MBD5: variants seen among roughly 807,000 people sequenced by gnomAD.
MBD5 encodes the protein methyl-CpG binding domain protein 5, also known as methyl-CpG-binding domain protein 5.
Under a neutral mutation model 117.3 loss-of-function variants are expected in MBD5, and 13 were observed. The observed-to-expected ratio is 0.11, with a 90% confidence interval of 0.07 to 0.18. MBD5 has a LOEUF of 0.18. MBD5 is among the 10% of genes least tolerant of loss of function. The pLI, the probability that MBD5 is intolerant of heterozygous loss-of-function variation, is 1.00. For synonymous variants in MBD5, 727 were observed against 766.4 expected (o/e 0.95, Z 0.85); for missense variants, 1,879 against 2,093.8 (o/e 0.90, Z 2.00).
At chr2:148,136,465 T>C (rs375178770) in intron 1 of MBD5, among the ~76,000 whole-genome samples, 4 of 152,180 alleles carry the variant, frequency 2.6e-5, no homozygotes, top group Non-Finnish European at 5.9e-5. Flanking sequence ...TTAAGCAGAT[T>C]GTGTTGTGAC....
intron 4 of MBD5, among the ~76,000 whole-genome samples, chr2:148,442,979 A>C (rs150355569): frequency 6.6e-6 from 1 of 151,542 alleles, no homozygotes; most frequent in Non-Finnish European, 1.5e-5. Flanking sequence ...GGGAGAAAAT[A>C]TTTACAAACT....
At chr2:148,294,612 C>T (rs12986748) in intron 3 of MBD5, among the ~76,000 whole-genome samples, 36,792 of 150,550 alleles carry the variant, frequency 0.24, 4,977 homozygotes, top group East Asian at 0.57. Context: ...AAGGGATTCT[C>T]GTGCCTCAGC....
intron 1 of MBD5, among the ~76,000 whole-genome samples, chr2:148,047,924 T>C (rs1424130766): frequency 6.6e-6 from 1 of 152,198 alleles, no homozygotes; most frequent in Non-Finnish European, 1.5e-5. Context: ...TTGTGAGATC[T>C]CATACATAGA....
chr2:148,412,522 G>A (rs1705292639), intron 4 of MBD5, among the ~76,000 whole-genome samples: 1 of 151,992 alleles, frequency 6.6e-6, no homozygotes, highest in Non-Finnish European at 1.5e-5. Flanking sequence ...TGTAGGAATA[G>A]CATTGAATCT....
chr2:148,099,451 G>T (rs971604504), intron 1 of MBD5, among the ~76,000 whole-genome samples: 1 of 152,144 alleles, frequency 6.6e-6, no homozygotes, highest in South Asian at 2.1e-4. Context: ...GTACTGCCTT[G>T]AAATGTACCA....
intron 1 of MBD5, among the ~76,000 whole-genome samples, chr2:148,169,126 A>G (rs1340985202): frequency 6.6e-6 from 1 of 152,072 alleles, no homozygotes; most frequent in African/African-American, 2.4e-5. Flanking sequence ...GTCATTGATC[A>G]TATCTTTAGT....
chr2:148,324,726 G>A (rs1702393962), intron 3 of MBD5, among the ~76,000 whole-genome samples: 1 of 152,156 alleles, frequency 6.6e-6, no homozygotes, highest in South Asian at 2.1e-4. Flanking sequence ...AGCTTAAGGA[G>A]ATTTTGGGCT....
At chr2:148,224,159 T>C (rs1215129204) in intron 2 of MBD5, among the ~76,000 whole-genome samples, 1 of 152,178 alleles carries the variant, frequency 6.6e-6, no homozygotes, top group African/African-American at 2.4e-5. Context: ...TTGAGAATCA[T>C]CCATGTGCTG....
chr2:148,226,190 G>A (rs1006270910), intron 2 of MBD5, among the ~76,000 whole-genome samples: 4 of 151,368 alleles, frequency 2.6e-5, no homozygotes, highest in Admixed American at 1.3e-4. Context: ...GTTCATATGT[G>A]CCATGTTGGT....
At chr2:148,058,980 G>A (rs1694950550) in intron 1 of MBD5, among the ~76,000 whole-genome samples, 2 of 152,096 alleles carry the variant, frequency 1.3e-5, no homozygotes, top group Admixed American at 6.5e-5. Context: ...TGTATTTGAT[G>A]GATAAGTGAG....
chr2:148,080,446 AT>A (rs1695619986), intron 1 of MBD5, among the ~76,000 whole-genome samples: 1 of 152,214 alleles, frequency 6.6e-6, no homozygotes. Context: ...TGAAGTACAT[AT>A]TCATGATAAT....
chr2:148,177,349 A>G (rs1357695902), intron 1 of MBD5, among the ~76,000 whole-genome samples: 2 of 152,170 alleles, frequency 1.3e-5, no homozygotes, highest in Non-Finnish European at 2.9e-5. Flanking sequence ...CTGAACCAGA[A>G]CTGTGGGCAT....
intron 4 of MBD5, among the ~76,000 whole-genome samples, chr2:148,404,799 G>C (rs67778375): frequency 0.26 from 39,738 of 151,912 alleles, 6,265 homozygotes; most frequent in African/African-American, 0.44. Flanking sequence ...TATTTTTCCA[G>C]GTTGACTTGA....
chr2:148,140,580 T>C (rs1697289035), intron 1 of MBD5, among the ~76,000 whole-genome samples: 1 of 152,206 alleles, frequency 6.6e-6, no homozygotes, highest in Non-Finnish European at 1.5e-5. Flanking sequence ...TAAAATTCTT[T>C]CTAGCTCTAT....
At chr2:148,439,559 T>G (rs973731560) in intron 4 of MBD5, among the ~76,000 whole-genome samples, 1 of 152,160 alleles carries the variant, frequency 6.6e-6, no homozygotes, top group Non-Finnish European at 1.5e-5. Flanking sequence ...CTGGACCATT[T>G]TAATTGCAGA....
chr2:148,022,337 T>G (rs1693774237), intron 1 of MBD5, among the ~76,000 whole-genome samples: 1 of 152,230 alleles, frequency 6.6e-6, no homozygotes, highest in Non-Finnish European at 1.5e-5. Flanking sequence ...CTTGCATTAT[T>G]GCTTTTTTTT....
intron 1 of MBD5, among the ~76,000 whole-genome samples, chr2:148,067,170 A>G (rs1019722404): frequency 1.3e-5 from 2 of 152,210 alleles, no homozygotes; most frequent in African/African-American, 4.8e-5. Context: ...ATGCAAAAGT[A>G]CAGTCTCTGA....
At chr2:148,088,315 G>A (rs1695850755) in intron 1 of MBD5, among the ~76,000 whole-genome samples, 1 of 152,028 alleles carries the variant, frequency 6.6e-6, no homozygotes, top group African/African-American at 2.4e-5. Flanking sequence ...AACTTCCCTG[G>A]CCTCACTAGA....
intron 1 of MBD5, among the ~76,000 whole-genome samples, chr2:148,141,794 A>G (rs1490046619): frequency 2.3e-5 from 3 of 130,396 alleles, no homozygotes; most frequent in Non-Finnish European, 3.5e-5. Context: ...CCCGTCTCAA[A>G]AAAAAAAAAT....
Sources: allele counts gnomAD v4.1 joint callset (sites outside exome capture counted in the v4.1 genomes callset), GRCh38; gene constraint gnomAD v4.1.1; transcripts MANE v1.5; gene names NCBI Gene and HGNC (gene_info 2026-07-23, HGNC 2026-07-21).